DACH1: variants seen among roughly 807,000 people sequenced by gnomAD.
DACH1 encodes dachshund family transcription factor 1.
In DACH1, 12 loss-of-function variants were observed where a neutral mutation model predicts 54.2. That is an observed-to-expected ratio of 0.22 (90% confidence interval 0.14 to 0.36). The LOEUF (loss-of-function observed/expected upper bound fraction) is 0.36, where lower values mean the gene tolerates loss of function less well. Among genes scored for constraint, DACH1 ranks in the 10% least tolerant of loss-of-function variants. The probability of loss-of-function intolerance (pLI) is 1.00; values close to 1 mark genes in which losing one functional copy is unlikely to be tolerated. For synonymous variants in DACH1, 386 were observed against 366.2 expected (o/e 1.05, Z -0.62); for missense variants, 805 against 929.8 (o/e 0.87, Z 1.75).
At chr13:71,482,153 G>T (rs1016973480) in intron 7 of DACH1, among the ~76,000 whole-genome samples, 3 of 151,942 alleles carry the variant, frequency 2.0e-5, no homozygotes, top group South Asian at 4.1e-4. Flanking sequence ...GAGACATAAT[G>T]GTTGTTATAC....
At chr13:71,480,639 T>G (rs1472663747) in intron 7 of DACH1, among the ~76,000 whole-genome samples, 1 of 152,190 alleles carries the variant, frequency 6.6e-6, no homozygotes, top group Non-Finnish European at 1.5e-5. Flanking sequence ...AATTTTCAAC[T>G]GAAGTTAAAA....
chr13:71,634,520 C>G (rs1245974406), intron 2 of DACH1, among the ~76,000 whole-genome samples: 1 of 152,186 alleles, frequency 6.6e-6, no homozygotes, highest in East Asian at 1.9e-4. Context: ...GAAAAGCCCT[C>G]TATGTCCTGG....
At chr13:71,727,875 G>A (rs1232024592) in intron 1 of DACH1, among the ~76,000 whole-genome samples, 1 of 152,056 alleles carries the variant, frequency 6.6e-6, no homozygotes, top group Non-Finnish European at 1.5e-5. Context: ...TTTTCACTGT[G>A]CATAAAGCAT....
At chr13:71,852,805 C>T (rs1446737855) in intron 1 of DACH1, among the ~76,000 whole-genome samples, 1 of 152,092 alleles carries the variant, frequency 6.6e-6, no homozygotes, top group African/African-American at 2.4e-5. Context: ...AGTATAGAAA[C>T]GAAAGACACT....
chr13:71,457,578 T>G (rs943328586), intron 10 of DACH1, among the ~76,000 whole-genome samples: 4 of 152,022 alleles, frequency 2.6e-5, no homozygotes, highest in Non-Finnish European at 4.4e-5. Context: ...TATTAGGTCA[T>G]TCATTTCATA....
chr13:71,468,945 T>C (rs185368522), intron 10 of DACH1, among the ~76,000 whole-genome samples: 1 of 152,334 alleles, frequency 6.6e-6, no homozygotes, highest in Admixed American at 6.5e-5. Flanking sequence ...ATATCATTCG[T>C]TGGCAGTACA....
intron 6 of DACH1, among the ~76,000 whole-genome samples, chr13:71,548,249 T>C (rs1056483726): frequency 2.6e-5 from 4 of 152,192 alleles, no homozygotes; most frequent in African/African-American, 9.6e-5. Flanking sequence ...CAAATTATTA[T>C]ATGTCCATGT....
chr13:71,584,966 A>C lies in DACH1; in HGVS notation c.1127-11954T>G, dbSNP rs527560145. On this transcript the variant is annotated intron_variant, in intron 3 of 10. Transcript: ENST00000613252. ...TATGGTGTACAGGCCAAGGAGCAAG[A>C]AATTGCATTTAAACTTTGTAATACA... is the stretch of plus-strand genomic sequence containing the variant. Among the ~76,000 whole-genome samples, 251 of 152,262 alleles carry C rather than the reference A, an allele frequency of 1.6e-3. 2 individuals carry two copies. Among genetic ancestry groups the C allele is most frequent in the Non-Finnish European group, 3.0e-3 (207 of 68,004 alleles).
At chr13:71,702,838 G>A (rs1185054302) in intron 1 of DACH1, among the ~76,000 whole-genome samples, 1 of 152,048 alleles carries the variant, frequency 6.6e-6, no homozygotes, top group East Asian at 1.9e-4. Flanking sequence ...TTTTGCACAA[G>A]AGAAAAAATT....
chr13:71,838,516 A>G (rs1419160039), intron 1 of DACH1, among the ~76,000 whole-genome samples: 2 of 152,234 alleles, frequency 1.3e-5, no homozygotes, highest in African/African-American at 4.8e-5. Context: ...AGAATTGTTA[A>G]GATAAAGATA....
intron 2 of DACH1, among the ~76,000 whole-genome samples, chr13:71,664,865 TATC>T (rs1879729749): frequency 6.6e-6 from 1 of 152,054 alleles, no homozygotes; most frequent in African/African-American, 2.4e-5. Flanking sequence ...TCTAATATAG[TATC>T]ATGAAAAGTA....
Position 71,546,066 on chromosome 13 carries a change from C to G in DACH1, c.1570+10958G>C, listed in dbSNP as rs527640657. On this transcript the variant is annotated intron_variant, in intron 6 of 10. Coordinates refer to ENST00000613252, the MANE Select transcript of DACH1 (RefSeq NM_080759.6). Reference sequence around the variant, plus strand: ...GGTAGTGATCCAGTGAAGGCTGATACATTTTTATGTAGAAAATTACATTTT... The same window carrying G: ...GGTAGTGATCCAGTGAAGGCTGATAGATTTTTATGTAGAAAATTACATTTT... Among the ~76,000 whole-genome samples the G allele has an allele frequency of 1.1e-4, 16 of 152,068 alleles. No homozygotes were observed. The South Asian group carries it at 1.7e-3, about 16-fold the overall frequency.
At chr13:71,462,863 T>TATC (rs1412376619) in intron 10 of DACH1, among the ~76,000 whole-genome samples, 16 of 132,870 alleles carry the variant, frequency 1.2e-4, no homozygotes, top group African/African-American at 4.0e-4. Context: ...GTCTAGAATC[T>TATC]ATCTATCTAC....
intron 6 of DACH1, among the ~76,000 whole-genome samples, chr13:71,519,670 T>C (rs1235507187): frequency 6.6e-6 from 1 of 151,232 alleles, no homozygotes; most frequent in Non-Finnish European, 1.5e-5. Flanking sequence ...GTAATTTTAC[T>C]TAGGTAAATA....
chr13:71,700,495 G>T (rs1882070992), intron 1 of DACH1, among the ~76,000 whole-genome samples: 1 of 145,396 alleles, frequency 6.9e-6, no homozygotes. Context: ...GGCAGAAGTT[G>T]CAGTAAGCAG....
intron 3 of DACH1, among the ~76,000 whole-genome samples, chr13:71,610,025 T>C (rs1435007849): frequency 6.6e-6 from 1 of 152,182 alleles, no homozygotes; most frequent in Non-Finnish European, 1.5e-5. Context: ...TTCAACTTTG[T>C]TCTAAAGTAT....
At chr13:71,688,692 A>G (rs901141847) in intron 1 of DACH1, among the ~76,000 whole-genome samples, 4 of 152,190 alleles carry the variant, frequency 2.6e-5, no homozygotes, top group African/African-American at 9.7e-5. Flanking sequence ...ACCAGTGGAC[A>G]CCTTGTGAAC....
Position 71,630,659 on chromosome 13 carries a change from T to C in DACH1, c.1023A>G (p.Ala341=). 1 of 1,612,108 alleles carries C rather than the reference T, an allele frequency of 6.2e-7. No homozygotes were observed. Among genetic ancestry groups the C allele is most frequent in the Non-Finnish European group, 8.5e-7 (1 of 1,179,388 alleles). The change falls in exon 3 of 11, where the codon GCA becomes GCG. Residue 341 remains alanine, a synonymous_variant. Transcript: ENST00000613252. ...CTAATTTGATTTTTTTCACCTTCAT[T>C]GCTTCAGCAATAGCTGCATTGGTAG... ...AAATNAAIAE[A]MKVKKIKLEA...
chr13:71,544,359 A>C (rs1013445237), intron 6 of DACH1, among the ~76,000 whole-genome samples: 6 of 152,140 alleles, frequency 3.9e-5, no homozygotes, highest in African/African-American at 1.2e-4. Context: ...TTATTCAAAA[A>C]CTTCTCAGTA....
Sources: gnomAD v4.1 joint callset for allele counts (sites outside exome capture counted in the v4.1 genomes callset) on GRCh38, gnomAD v4.1.1 for gene constraint, MANE v1.5 for transcripts, NCBI Gene and HGNC (gene_info 2026-07-23, HGNC 2026-07-21) for gene names.